FHIT: variants seen among roughly 807,000 people sequenced by gnomAD.
FHIT encodes the protein bis(5'-adenosyl)-triphosphatase.
Under a neutral mutation model 17.9 loss-of-function variants are expected in FHIT, and 19 were observed. That is an observed-to-expected ratio of 1.06 (90% CI 0.74 to 1.56). The LOEUF is 1.56. Among genes scored for constraint, FHIT ranks in the 40% most tolerant of loss-of-function variants. FHIT has a pLI of 0.00. For synonymous variants in FHIT, 81 were observed against 69.7 expected, an observed-to-expected ratio of 1.16 and a Z score of -0.81; for missense variants, 248 against 189.2, an observed-to-expected ratio of 1.31 and a Z score of -1.82.
At chr3:61,233,657 G>A (rs2040160078) in intron 1 of FHIT, among the ~76,000 whole-genome samples, 1 of 152,100 alleles carries the variant, frequency 6.6e-6, no homozygotes, top group Admixed American at 6.6e-5. Flanking sequence ...GATTATGGGT[G>A]AAATATATTT....
chr3:60,285,570 T>C (rs187408834), intron 5 of FHIT, among the ~76,000 whole-genome samples: 13 of 152,284 alleles, frequency 8.5e-5, no homozygotes, highest in African/African-American at 2.4e-4. Flanking sequence ...CAGATCTAGA[T>C]GCTGCTGTAA....
At chr3:60,299,217 G>A (rs528701805) in intron 5 of FHIT, among the ~76,000 whole-genome samples, 3 of 152,092 alleles carry the variant, frequency 2.0e-5, no homozygotes, top group South Asian at 2.1e-4. Context: ...GTTGACATGC[G>A]GTAGATTCCA....
chr3:60,442,331 A>T (rs941238273), intron 5 of FHIT, among the ~76,000 whole-genome samples: 2 of 152,118 alleles, frequency 1.3e-5, no homozygotes, highest in Non-Finnish European at 2.9e-5. Context: ...GGTCTATAGA[A>T]AAGAAAAACT....
In FHIT at chr3:60,077,693, CA is replaced by C. The variant is rs202095052; in HGVS notation, c.104-63542del. ...AAAATCTACGATTTTACTTCACACA[CA>C]CACACACACACACACACACACACAC... On this transcript the variant is annotated intron_variant, in intron 5 of 9. Transcript: ENST00000492590. Among the ~76,000 whole-genome samples the C allele has an allele frequency of 9.1e-3, 864 of 94,872 alleles. 18 individuals carry two copies. The highest frequency in any genetic ancestry group is 0.045 in the African/African-American group (801 of 17,960). The allele number at this position is 94,872 out of a possible 152,430, so 62.2% of individuals were successfully genotyped here.
chr3:60,937,005 C>T (rs1708220567), intron 3 of FHIT, among the ~76,000 whole-genome samples: 1 of 19,500 alleles, frequency 5.1e-5, no homozygotes, highest in African/African-American at 5.5e-5. Flanking sequence ...ACTTTGTGAG[C>T]TGAAGTCTCA....
intron 8 of FHIT, among the ~76,000 whole-genome samples, chr3:59,878,677 A>G (rs1363093991): frequency 6.6e-6 from 1 of 152,198 alleles, no homozygotes; most frequent in Non-Finnish European, 1.5e-5. Context: ...AAAACAATAT[A>G]AAGACATTAT....
chr3:60,921,813 G>T (rs1483201649), intron 3 of FHIT, among the ~76,000 whole-genome samples: 1 of 152,206 alleles, frequency 6.6e-6, no homozygotes, highest in African/African-American at 2.4e-5. Context: ...ATCTGGGGCA[G>T]CTTAGGGAAG....
chr3:61,198,077 T>G (rs2038904727), intron 2 of FHIT, among the ~76,000 whole-genome samples: 1 of 152,066 alleles, frequency 6.6e-6, no homozygotes, highest in African/African-American at 2.4e-5. Flanking sequence ...ATTGTAAACC[T>G]CCAAACATAC....
At chr3:60,038,929 T>C (rs1218153050) in intron 5 of FHIT, among the ~76,000 whole-genome samples, 1 of 152,116 alleles carries the variant, frequency 6.6e-6, no homozygotes, top group Non-Finnish European at 1.5e-5. Flanking sequence ...TAAATAACGG[T>C]CATTATGTAC....
chr3:60,372,170 C>T (rs889623148), intron 5 of FHIT, among the ~76,000 whole-genome samples: 1 of 152,110 alleles, frequency 6.6e-6, no homozygotes, highest in African/African-American at 2.4e-5. Flanking sequence ...TGGGCCCTGA[C>T]AATGTTGTTT....
intron 8 of FHIT, among the ~76,000 whole-genome samples, chr3:59,803,335 G>T (rs1047417725): frequency 3.2e-4 from 49 of 152,164 alleles, no homozygotes; most frequent in African/African-American, 1.2e-3. Flanking sequence ...AGGCGAGCAC[G>T]GGGCCAGCGA....
At chr3:59,765,054 G>A (rs1701727197) in intron 8 of FHIT, among the ~76,000 whole-genome samples, 1 of 152,156 alleles carries the variant, frequency 6.6e-6, no homozygotes, top group South Asian at 2.1e-4. Context: ...TTATGGCTGA[G>A]ATGCTTAAGA....
chr3:61,167,165 G>T (rs1357207649), intron 2 of FHIT: 1 of 151,998 alleles, frequency 6.6e-6, no homozygotes, highest in Non-Finnish European at 1.5e-5. Flanking sequence ...TTTAACATGA[G>T]AATTCGATAC....
intron 2 of FHIT, among the ~76,000 whole-genome samples, chr3:61,097,921 T>G (rs1257195650): frequency 6.6e-6 from 1 of 152,240 alleles, no homozygotes. Flanking sequence ...CTGTTGGTAG[T>G]TTCCTTTACT....
At chr3:60,630,617 G>A (rs2039412908) in intron 4 of FHIT, among the ~76,000 whole-genome samples, 1 of 152,114 alleles carries the variant, frequency 6.6e-6, no homozygotes, top group Non-Finnish European at 1.5e-5. Flanking sequence ...TCTTAGCAGT[G>A]TCTGCCTACT....
chr3:60,627,547 CCAGGCTGGAGTGCAGTGA>C (rs1265103382), intron 4 of FHIT, among the ~76,000 whole-genome samples: 9 of 152,170 alleles, frequency 5.9e-5, no homozygotes, highest in South Asian at 4.2e-4. Flanking sequence ...GCTCTGCCAC[CCAGGCTGGAGTGCAGTGA>C]CAGGCTGGAG....
At chr3:60,871,271 C>A (rs1374916) in intron 3 of FHIT, among the ~76,000 whole-genome samples, 73,979 of 151,904 alleles carry the variant, frequency 0.49, 19,986 homozygotes, top group East Asian at 0.92. Context: ...CTATAGAGAG[C>A]TTTATGGTGG....
At chr3:60,616,302 T>A (rs2038948158) in intron 4 of FHIT, among the ~76,000 whole-genome samples, 1 of 152,222 alleles carries the variant, frequency 6.6e-6, no homozygotes, top group Non-Finnish European at 1.5e-5. Context: ...TAAGCAAAAG[T>A]GATTCTAAGC....
At chr3:60,319,150 C>T (rs1449533628) in intron 5 of FHIT, among the ~76,000 whole-genome samples, 1 of 152,152 alleles carries the variant, frequency 6.6e-6, no homozygotes, top group African/African-American at 2.4e-5. Context: ...CATAAGGTAA[C>T]ATTCACAGGT....
Sources: allele counts gnomAD v4.1 joint callset (sites outside exome capture counted in the v4.1 genomes callset), GRCh38; gene constraint gnomAD v4.1.1; transcripts MANE v1.5; gene names NCBI Gene and HGNC (gene_info 2026-07-23, HGNC 2026-07-21).